STX8: variants seen among roughly 807,000 people sequenced by gnomAD.
STX8 encodes the protein syntaxin-8.
A neutral mutation model predicts 37.5 loss-of-function variants in STX8; 23 were observed. The ratio of observed to expected loss-of-function variants is 0.61; its 90% CI spans 0.44 to 0.87. The LOEUF is 0.87. STX8 is among the 40% of genes least tolerant of loss of function. The pLI is 0.00. For synonymous variants in STX8, 115 were observed against 99.1 expected, an observed-to-expected ratio of 1.16 and a Z score of -0.95; for missense variants, 313 against 284.7, an observed-to-expected ratio of 1.10 and a Z score of -0.71.
chr17:9,481,854 C>T (rs56929305), intron 6 of STX8, among the ~76,000 whole-genome samples: 13 of 152,262 alleles, frequency 8.5e-5, no homozygotes, highest in Non-Finnish European at 1.9e-4. Context: ...GTTGCACACT[C>T]CTTACGACAA....
chr17:9,265,612 CCTCA>C (rs2142132494), intron 7 of STX8, among the ~76,000 whole-genome samples: 1 of 152,360 alleles, frequency 6.6e-6, no homozygotes, highest in Non-Finnish European at 1.5e-5. Flanking sequence ...AACAGAAGGT[CCTCA>C]CTCCTGACGT....
intron 4 of STX8, among the ~76,000 whole-genome samples, chr17:9,519,068 A>C (rs935417443): frequency 2.6e-5 from 4 of 152,064 alleles, no homozygotes; most frequent in Non-Finnish European, 5.9e-5. Context: ...ACAAATAGTT[A>C]AAAAGAAACC....
chr17:9,379,492 C>T (rs998261074), intron 6 of STX8, among the ~76,000 whole-genome samples: 14 of 152,008 alleles, frequency 9.2e-5, no homozygotes, highest in African/African-American at 1.9e-4. Context: ...TCAGTGGTTG[C>T]GAGTGGGGAA....
chr17:9,288,183 G>GA (rs549489976), intron 7 of STX8, among the ~76,000 whole-genome samples: 12,301 of 84,700 alleles, frequency 0.15, 694 homozygotes, highest in Middle Eastern at 0.22. Flanking sequence ...CCTTCCCCCT[G>GA]AAAAAAAAAA....
intron 7 of STX8, among the ~76,000 whole-genome samples, chr17:9,353,760 T>C (rs1910789167): frequency 6.6e-6 from 1 of 152,216 alleles, no homozygotes; most frequent in South Asian, 2.1e-4. Context: ...CTTACATTCT[T>C]CTTTACTGAA....
intron 4 of STX8, among the ~76,000 whole-genome samples, chr17:9,528,857 T>A (rs73269671): frequency 0.037 from 5,615 of 151,266 alleles, 379 homozygotes; most frequent in African/African-American, 0.13. Flanking sequence ...GCCAAAATCA[T>A]GCATATTTTT....
At chr17:9,328,312 T>C (rs141665439) in intron 7 of STX8, among the ~76,000 whole-genome samples, 14 of 152,098 alleles carry the variant, frequency 9.2e-5, no homozygotes, top group African/African-American at 3.4e-4. Flanking sequence ...GTGGCCTGTC[T>C]TGGGGAAAAG....
rs947911533 is a variant in STX8 at position 9,287,650 on chromosome 17, CCAAT to C, written c.644-37009_644-37006del. ...ATGCAGATAGTCCTGTTTGGGATCC[CCAAT>C]CAATGACTAGGTCCTCCCCTGCCTG... On this transcript the variant is annotated intron_variant, in intron 7 of 7. Transcript: ENST00000306357. Among the ~76,000 whole-genome samples, 91 of 152,276 alleles carry C rather than the reference CCAAT, an allele frequency of 6.0e-4. 1 individual carries two copies. The highest frequency in any genetic ancestry group is 1.8e-3 in the African/African-American group (76 of 41,548).
At chr17:9,503,472 T>C (rs891961563) in intron 5 of STX8, among the ~76,000 whole-genome samples, 27 of 152,238 alleles carry the variant, frequency 1.8e-4, no homozygotes, top group African/African-American at 6.5e-4. Context: ...TATGATCATA[T>C]CAACTACATC....
intron 7 of STX8, among the ~76,000 whole-genome samples, chr17:9,278,520 T>C (rs1231782436): frequency 6.6e-6 from 1 of 151,748 alleles, no homozygotes; most frequent in Non-Finnish European, 1.5e-5. Flanking sequence ...AGGGCGGCTA[T>C]AGTGAGAGGA....
chr17:9,378,768 G>C (rs555796038), intron 6 of STX8, 115 bp from the exon 7 acceptor site: 2 of 752,562 alleles, frequency 2.7e-6, no homozygotes, highest in Non-Finnish European at 4.6e-6. Context: ...TAACTGAAAA[G>C]GTACAGAACT....
chr17:9,346,310 C>T (rs1010104942), intron 7 of STX8, among the ~76,000 whole-genome samples: 1 of 152,088 alleles, frequency 6.6e-6, no homozygotes, highest in African/African-American at 2.4e-5. Flanking sequence ...TATATTTCCT[C>T]TCTTTCATCT....
chr17:9,489,735 C>G (rs963188947), intron 6 of STX8, among the ~76,000 whole-genome samples: 1 of 146,848 alleles, frequency 6.8e-6, no homozygotes, highest in African/African-American at 2.5e-5. Context: ...ATCGCCCAGG[C>G]TGGAGTGCAG....
chr17:9,387,372 T>G (rs1171128466), intron 6 of STX8, among the ~76,000 whole-genome samples: 3 of 152,114 alleles, frequency 2.0e-5, no homozygotes, highest in Non-Finnish European at 4.4e-5. Context: ...CTCGGCTCAC[T>G]GCAAGCTCCG....
At chr17:9,495,344 TGACTGATG>T (rs1352447524) in intron 5 of STX8, among the ~76,000 whole-genome samples, 1 of 152,202 alleles carries the variant, frequency 6.6e-6, no homozygotes, top group African/African-American at 2.4e-5. Flanking sequence ...TCCTATAGGA[TGACTGATG>T]TTATAGTAAA....
In STX8 at chr17:9,443,334, T is replaced by A. The variant is rs145688412; in HGVS notation, c.541+48495A>T. 4.0e-3 allele frequency among the ~76,000 whole-genome samples: 605 copies of A among 152,316 alleles called. 2 individuals carry two copies. The highest frequency in any genetic ancestry group is 6.6e-3 in the Non-Finnish European group (449 of 68,026). On this transcript the variant is annotated intron_variant, in intron 6 of 7. Transcript: ENST00000306357. The stretch of plus-strand genomic sequence containing the variant: ...CCCAGAACAGAACTAGAGTCACTCA[T>A]TCATTAAGCATCTACAATGTACCTA...
At chr17:9,430,315 T>C (rs1913911583) in intron 6 of STX8, among the ~76,000 whole-genome samples, 1 of 148,034 alleles carries the variant, frequency 6.8e-6, no homozygotes, top group Non-Finnish European at 1.5e-5. Flanking sequence ...CCACCACTTA[T>C]CTATTTCCAA....
At chr17:9,345,298 C>T (rs547053636) in intron 7 of STX8, among the ~76,000 whole-genome samples, 4 of 152,076 alleles carry the variant, frequency 2.6e-5, no homozygotes, top group East Asian at 1.9e-4. Context: ...TACAAGCATG[C>T]GCCACCACAC....
At chr17:9,277,051 G>A (rs1907702225) in intron 7 of STX8, among the ~76,000 whole-genome samples, 1 of 149,664 alleles carries the variant, frequency 6.7e-6, no homozygotes, top group Non-Finnish European at 1.5e-5. Flanking sequence ...GGGCTCAAAC[G>A]ATCCTCCTGC....
Sources: gnomAD v4.1 joint callset for allele counts (sites outside exome capture counted in the v4.1 genomes callset) on GRCh38, gnomAD v4.1.1 for gene constraint, MANE v1.5 for transcripts, NCBI Gene and HGNC (gene_info 2026-07-23, HGNC 2026-07-21) for gene names.